The following BRINP3 variants were observed in gnomAD, a reference collection of about 807,000 sequenced individuals.
BRINP3 encodes the protein BMP/retinoic acid inducible neural specific 3.
A neutral mutation model predicts 71.0 loss-of-function variants in BRINP3; 19 were observed. The ratio of observed to expected loss-of-function variants is 0.27; its 90% CI spans 0.19 to 0.39. The LOEUF (loss-of-function observed/expected upper bound fraction) is 0.39. BRINP3 is among the 10% of genes least tolerant of loss of function. BRINP3 has a pLI of 1.00. For missense variants in BRINP3, 959 were observed against 940.8 expected, an observed-to-expected ratio of 1.02 and a Z score of -0.25; for synonymous variants, 380 against 337.7, an observed-to-expected ratio of 1.13 and a Z score of -1.37.
intron 2 of BRINP3, among the ~76,000 whole-genome samples, chr1:190,315,622 G>A (rs933668363): frequency 1.3e-5 from 2 of 151,986 alleles, no homozygotes; most frequent in Non-Finnish European, 2.9e-5. Context: ...CATCTGTCTG[G>A]GCTGGAAAAT....
intron 7 of BRINP3, among the ~76,000 whole-genome samples, chr1:190,135,578 A>G: frequency 6.6e-6 from 1 of 152,144 alleles, no homozygotes; most frequent in East Asian, 1.9e-4. Context: ...TGGAGATAAC[A>G]ATAATCATGC....
intron 7 of BRINP3, among the ~76,000 whole-genome samples, chr1:190,107,344 C>T (rs146919721): frequency 3.7e-4 from 56 of 151,930 alleles, no homozygotes; most frequent in African/African-American, 1.3e-3. Context: ...GTCCTTGTTA[C>T]CCTCCTAAAT....
chr1:190,178,065 G>T (rs980564076), intron 6 of BRINP3, among the ~76,000 whole-genome samples: 1 of 152,084 alleles, frequency 6.6e-6, no homozygotes, highest in East Asian at 1.9e-4. Context: ...TTATATAAGA[G>T]ACTTAAGCAT....
chr1:190,307,701 C>T (rs961451023), intron 2 of BRINP3, among the ~76,000 whole-genome samples: 1 of 151,534 alleles, frequency 6.6e-6, no homozygotes, highest in Non-Finnish European at 1.5e-5. Flanking sequence ...TTCACCACCT[C>T]CCTCGAAAAA....
intron 7 of BRINP3, among the ~76,000 whole-genome samples, chr1:190,102,542 A>G (rs1651790636): frequency 6.6e-6 from 1 of 152,084 alleles, no homozygotes; most frequent in Admixed American, 6.6e-5. Context: ...TTTTTATCAA[A>G]CAGGTGGCAA....
chr1:190,344,990 G>T (rs1468960382), intron 2 of BRINP3, among the ~76,000 whole-genome samples: 1 of 151,712 alleles, frequency 6.6e-6, no homozygotes, highest in Admixed American at 6.6e-5. Flanking sequence ...TATGCATTAC[G>T]TACATTGTCA....
At chr1:190,405,367 C>T (rs112606308) in intron 2 of BRINP3, among the ~76,000 whole-genome samples, 2,939 of 140,126 alleles carry the variant, frequency 0.021, 30 homozygotes, top group Middle Eastern at 0.039. Context: ...AGGAGAATGG[C>T]GTGAACCCGG....
At chr1:190,118,408 T>A (rs556978377) in intron 7 of BRINP3, among the ~76,000 whole-genome samples, 3 of 152,272 alleles carry the variant, frequency 2.0e-5, no homozygotes, top group South Asian at 2.1e-4. Context: ...TAAATAAATG[T>A]TTCATAAGGA....
At chr1:190,278,598 C>CA (rs1043056947) in intron 3 of BRINP3, among the ~76,000 whole-genome samples, 1 of 151,360 alleles carries the variant, frequency 6.6e-6, no homozygotes, top group Non-Finnish European at 1.5e-5. Context: ...CTTTAATGAA[C>CA]AAAAATTCCC....
rs1171022022 is a variant in BRINP3, at chr1:190,098,472, T to C, written c.1847A>G (p.Asn616Ser). ...TGTCTCAAAAAATGTCTTCCATTTGTTCCCCAGAGTTAATGTCCAGTTATA... is the reference window on the plus strand; with the variant it reads ...TGTCTCAAAAAATGTCTTCCATTTGCTCCCCAGAGTTAATGTCCAGTTATA... Reference protein sequence around the residue: ...QCYNWTLTLGNKWKTFFETVH... With the variant: ...QCYNWTLTLGSKWKTFFETVH... The change falls in exon 8 of 8, where the codon AAC becomes AGC. Residue 616 changes from asparagine (N) to serine (S), a missense_variant. Asn to Ser is a conservative substitution (Grantham distance 46). Coordinates refer to ENST00000367462, the MANE Select transcript of BRINP3 (RefSeq NM_199051.3). 1.2e-6 allele frequency: 2 copies of C among 1,614,088 alleles called. No homozygotes were observed. The highest frequency in any genetic ancestry group is 2.7e-5 in the African/African-American group (2 of 74,922).
chr1:190,454,114 C>T (rs577034721), intron 2 of BRINP3, among the ~76,000 whole-genome samples: 1 of 152,158 alleles, frequency 6.6e-6, no homozygotes, highest in Non-Finnish European at 1.5e-5. Flanking sequence ...GATCATATAT[C>T]TTTATCCCAT....
chr1:190,389,614 C>T (rs1671125501), intron 2 of BRINP3, among the ~76,000 whole-genome samples: 1 of 151,698 alleles, frequency 6.6e-6, no homozygotes, highest in Non-Finnish European at 1.5e-5. Flanking sequence ...AAGATATTTT[C>T]TGTCTGCTGG....
At chr1:190,237,833 A>G (rs977222944) in intron 4 of BRINP3, among the ~76,000 whole-genome samples, 1 of 152,092 alleles carries the variant, frequency 6.6e-6, no homozygotes, top group Admixed American at 6.6e-5. Context: ...TGATAAGTAC[A>G]ATTAGCTCTT....
chr1:190,159,351 C>A (rs1657144287), intron 7 of BRINP3, among the ~76,000 whole-genome samples: 1 of 152,136 alleles, frequency 6.6e-6, no homozygotes, highest in African/African-American at 2.4e-5. Flanking sequence ...CATGACTCAG[C>A]ATTTCTCCAC....
rs76389343 is a variant in BRINP3, at chr1:190,310,248, A to T, written c.237-28498T>A. 7.1e-3 allele frequency among the ~76,000 whole-genome samples: 1,073 copies of T among 151,790 alleles called. 16 individuals are homozygous for T. The highest frequency in any genetic ancestry group is 0.025 in the African/African-American group (1,026 of 41,490). On this transcript the variant is annotated intron_variant, in intron 2 of 7. Transcript: ENST00000367462. ...ACATTTGCAGTTAATTGCATGAAAA[A>T]TGTTCTGCACTTTCTTGACTTTCAG... is the stretch of plus-strand genomic sequence containing the variant.
rs773859506 is a variant in BRINP3, at chr1:190,098,736, G to A, written c.1583C>T (p.Ser528Phe). 2.5e-6 allele frequency: 4 copies of A among 1,614,090 alleles called. No homozygotes were observed. In the African/African-American group the frequency reaches 5.3e-5, roughly 22 times the overall value. ...DMRLNSWFDP[S>F]WRKRMLLTLK... ...GGTGAGGAGCATCCGCTTACGCCAG[G>A]AGGGATCAAACCAGCTATTGAGGCG... The change falls in exon 8 of 8, where the codon TCC becomes TTC. Residue 528 changes from serine to phenylalanine, a missense_variant. By Grantham distance (155) the Ser-to-Phe change is radical. Transcript: ENST00000367462.
intron 7 of BRINP3, among the ~76,000 whole-genome samples, chr1:190,100,124 G>C: frequency 6.6e-6 from 1 of 152,098 alleles, no homozygotes; most frequent in Admixed American, 6.5e-5. Flanking sequence ...TCCATGTTGA[G>C]ATTTTGTGAG....
At chr1:190,270,051 C>T (rs1046451588) in intron 3 of BRINP3, among the ~76,000 whole-genome samples, 4 of 151,896 alleles carry the variant, frequency 2.6e-5, no homozygotes, top group Non-Finnish European at 5.9e-5. Context: ...AAGATTATTT[C>T]TACGGAGATC....
chr1:190,157,892 T>TA (rs1262291100), intron 7 of BRINP3, among the ~76,000 whole-genome samples: 1 of 151,856 alleles, frequency 6.6e-6, no homozygotes, highest in Non-Finnish European at 1.5e-5. Flanking sequence ...GTGGACTGGA[T>TA]AAAAAAATAT....
Sources: gnomAD v4.1 joint callset for allele counts (sites outside exome capture counted in the v4.1 genomes callset) on GRCh38, gnomAD v4.1.1 for gene constraint, MANE v1.5 for transcripts, NCBI Gene and HGNC (gene_info 2026-07-23, HGNC 2026-07-21) for gene names.